ITIH5: variants seen among roughly 807,000 people sequenced by gnomAD.
ITIH5 encodes inter-alpha-trypsin inhibitor heavy chain H5.
A neutral mutation model predicts 77.5 loss-of-function variants in ITIH5; 65 were observed. The observed-to-expected ratio is 0.84, with a 90% confidence interval of 0.69 to 1.03. ITIH5 has a LOEUF of 1.03. Among genes scored for constraint, ITIH5 ranks in the 50% least tolerant of loss-of-function variants. ITIH5 has a pLI of 0.00. For missense variants in ITIH5, 1,208 were observed against 1,213.1 expected (o/e 1.00, Z 0.06); for synonymous variants, 525 against 494.3 (o/e 1.06, Z -0.82).
chr10:7,572,493 A>G (rs1301639646), intron 11 of ITIH5: 1 of 1,271,914 alleles, frequency 7.9e-7, no homozygotes, highest in Non-Finnish European at 1.0e-6. Flanking sequence ...CAGAGGCTGG[A>G]AGGATGCATG....
intron 7 of ITIH5, among the ~76,000 whole-genome samples, chr10:7,596,182 T>C (rs1212882965): frequency 2.0e-5 from 3 of 152,194 alleles, no homozygotes; most frequent in Non-Finnish European, 4.4e-5. Flanking sequence ...GAAGCTGCAC[T>C]GGAAACAAGA....
chr10:7,635,549 T>G (rs958679299), intron 5 of ITIH5, among the ~76,000 whole-genome samples: 7 of 152,164 alleles, frequency 4.6e-5, no homozygotes, highest in African/African-American at 1.2e-4. Context: ...TAGATCTGGA[T>G]TAAGAATGTC....
chr10:7,665,110 G>C (rs977733853), intron 1 of ITIH5, among the ~76,000 whole-genome samples: 6 of 152,146 alleles, frequency 3.9e-5, no homozygotes, highest in Admixed American at 3.3e-4. Context: ...TCCTGATTTA[G>C]TCATTTTCAA....
chr10:7,646,619 T>G (rs1379932803), intron 2 of ITIH5, among the ~76,000 whole-genome samples: 1 of 152,122 alleles, frequency 6.6e-6, no homozygotes, highest in African/African-American at 2.4e-5. Context: ...GGCTGGGAGG[T>G]CTGGCTTCTC....
In ITIH5 at chr10:7,559,761, G is replaced by T. The variant is rs1181751138; in HGVS notation, c.*3322C>A. ...GCCAGCAGACATGGTGTCTGGTGAGGGCCGTCTTCCTGGCTTGCAGGTGGC... is the reference window on the plus strand; with the variant it reads ...GCCAGCAGACATGGTGTCTGGTGAGTGCCGTCTTCCTGGCTTGCAGGTGGC... On this transcript the variant is annotated 3_prime_UTR_variant, in exon 14 of 14. Coordinates refer to ENST00000397146, the MANE Select transcript of ITIH5 (RefSeq NM_030569.7). 6 of 453,586 alleles carry T rather than the reference G, an allele frequency of 1.3e-5. No individual in the cohort carries two copies. Among genetic ancestry groups the T allele is most frequent in the Non-Finnish European group, 2.7e-5 (6 of 226,020 alleles). 28.1% of individuals were successfully genotyped at this position (453,586 alleles called of 1,614,324 possible). A position where few individuals can be genotyped will look rare whatever the true frequency, so the allele number is the denominator to read the frequency against.
At chr10:7,614,360 T>A (rs1246385489) in intron 7 of ITIH5, among the ~76,000 whole-genome samples, 1 of 152,220 alleles carries the variant, frequency 6.6e-6, no homozygotes, top group Non-Finnish European at 1.5e-5. Flanking sequence ...TATTTGGCTA[T>A]CCTCTAAAAC....
chr10:7,577,494 G>A (rs1418320275), intron 9 of ITIH5, among the ~76,000 whole-genome samples: 2 of 152,148 alleles, frequency 1.3e-5, no homozygotes, highest in Non-Finnish European at 2.9e-5. Flanking sequence ...AATTTCCTTT[G>A]TGTACACTTA....
chr10:7,629,215 C>CTGTTGTAGCGTGTGCCCA (rs1564269527), intron 5 of ITIH5, among the ~76,000 whole-genome samples: 11 of 74,170 alleles, frequency 1.5e-4, no homozygotes, highest in African/African-American at 2.4e-4. Context: ...GCGTGTGTCC[C>CTGTTGTAGCGTGTGCCCA]TGTTGTAGCG....
intron 7 of ITIH5, among the ~76,000 whole-genome samples, chr10:7,614,843 A>C (rs896480919): frequency 1.4e-4 from 21 of 152,188 alleles, no homozygotes; most frequent in African/African-American, 4.8e-4. Context: ...AGTAGGTTCA[A>C]CTGCGTGTGA....
At chr10:7,608,760 A>G (rs1380187150) in intron 7 of ITIH5, among the ~76,000 whole-genome samples, 1 of 152,226 alleles carries the variant, frequency 6.6e-6, no homozygotes, top group African/African-American at 2.4e-5. Flanking sequence ...GATCCACATC[A>G]TGAAAGGGAA....
chr10:7,578,735 A>C (rs1832475912), intron 9 of ITIH5: 1 of 152,146 alleles, frequency 6.6e-6, no homozygotes, highest in Admixed American at 6.5e-5. Flanking sequence ...GATACCACAT[A>C]TGCCACGATG....
intron 8 of ITIH5, among the ~76,000 whole-genome samples, chr10:7,582,598 T>C (rs546159076): frequency 2.0e-4 from 30 of 152,298 alleles, no homozygotes; most frequent in African/African-American, 7.0e-4. Flanking sequence ...GACTTTTCTC[T>C]ACCTGCAAAT....
At chr10:7,628,427 C>G (rs1833622132) in intron 5 of ITIH5, among the ~76,000 whole-genome samples, 4 of 152,370 alleles carry the variant, frequency 2.6e-5, no homozygotes, top group African/African-American at 7.2e-5. Flanking sequence ...TTTCGAGACT[C>G]CGTCACACTG....
At chr10:7,655,993 TTC>T (rs1279706964) in intron 1 of ITIH5, among the ~76,000 whole-genome samples, 1 of 152,186 alleles carries the variant, frequency 6.6e-6, no homozygotes, top group Non-Finnish European at 1.5e-5. Flanking sequence ...AGTATTTGTA[TTC>T]TGTTTCATTT....
intron 7 of ITIH5, chr10:7,609,418 A>C: frequency 4.4e-6 from 2 of 455,678 alleles, no homozygotes; most frequent in South Asian, 3.1e-5. Flanking sequence ...CAAATTACTC[A>C]CCTGTAAGGT....
intron 8 of ITIH5, 62 bp downstream of exon 8, chr10:7,585,839 A>AAAAG: frequency 6.9e-7 from 1 of 1,439,718 alleles, no homozygotes; most frequent in Non-Finnish European, 9.3e-7. Context: ...AAAAAAAAAA[A>AAAAG]ACCAAAAAAA....
At chr10:7,573,301 G>A (rs17142813) in intron 10 of ITIH5, 106 bp from the exon 11 acceptor site, 29,757 of 854,192 alleles carry the variant, frequency 0.035, 776 homozygotes, top group East Asian at 0.11. Context: ...TTTTAGGTAC[G>A]TTTGTAACAG....
chr10:7,604,269 A>T (rs1833077842), intron 7 of ITIH5, among the ~76,000 whole-genome samples: 1 of 152,100 alleles, frequency 6.6e-6, no homozygotes. Flanking sequence ...CAGTGGGTGG[A>T]GGTTTCCTCT....
chr10:7,581,160 T>TTA (rs1832543907), intron 8 of ITIH5, among the ~76,000 whole-genome samples: 1 of 152,140 alleles, frequency 6.6e-6, no homozygotes, highest in Non-Finnish European at 1.5e-5. Flanking sequence ...CTCGGATGGC[T>TTA]AAGGTCAGAA....
Sources: allele counts gnomAD v4.1 joint callset (sites outside exome capture counted in the v4.1 genomes callset), GRCh38; gene constraint gnomAD v4.1.1; transcripts MANE v1.5; gene names NCBI Gene and HGNC (gene_info 2026-07-23, HGNC 2026-07-21).